Variants in CHRM2 observed in about 807,000 individuals in gnomAD.
CHRM2 encodes the protein muscarinic acetylcholine receptor M2.
In CHRM2, 8 loss-of-function variants were observed where a neutral mutation model predicts 25.0. The observed-to-expected ratio is 0.32, with a 90% CI of 0.19 to 0.58. CHRM2 has a LOEUF of 0.58. Among genes scored for constraint, CHRM2 ranks in the 20% least tolerant of loss-of-function variants. The pLI, the probability that CHRM2 is intolerant of heterozygous loss-of-function variation, is 0.88. For synonymous variants in CHRM2, 202 were observed against 205.7 expected (o/e 0.98, Z 0.15); for missense variants, 440 against 567.1 (o/e 0.78, Z 2.28).
At chr7:136,950,852 G>A (rs1308951069) in intron 2 of CHRM2, among the ~76,000 whole-genome samples, 1 of 151,940 alleles carries the variant, frequency 6.6e-6, no homozygotes, top group Non-Finnish European at 1.5e-5. Context: ...ATCTTGCTCT[G>A]TATCTCAGGT....
rs188336134 is a variant in CHRM2, at chr7:136,906,416, G to A, written c.-125+36998G>A. ...TATTATACATATGTAATATGTGTTT[G>A]TGTGTGTATGTGTATATGTATACAT... On this transcript the variant is annotated intron_variant, in intron 2 of 3. Coordinates refer to ENST00000680005, the MANE Select transcript of CHRM2 (RefSeq NM_001006630.2). Among the ~76,000 whole-genome samples the A allele has an allele frequency of 4.0e-5, 6 of 151,130 alleles. No homozygotes were observed. The East Asian group carries it at 1.2e-3, about 30-fold the overall frequency.
chr7:136,918,773 T>G (rs1457761382), intron 2 of CHRM2, among the ~76,000 whole-genome samples: 3 of 151,996 alleles, frequency 2.0e-5, no homozygotes, highest in Non-Finnish European at 4.4e-5. Context: ...TTCTCCAGGC[T>G]GGTGTTATAG....
At chr7:136,925,252 C>A (rs1342091478) in intron 2 of CHRM2, among the ~76,000 whole-genome samples, 4 of 152,090 alleles carry the variant, frequency 2.6e-5, no homozygotes, top group Non-Finnish European at 5.9e-5. Context: ...TCATAGCTAT[C>A]CAACCGGATG....
At chr7:136,874,313 T>C (rs1174301953) in intron 2 of CHRM2, among the ~76,000 whole-genome samples, 1 of 152,210 alleles carries the variant, frequency 6.6e-6, no homozygotes. Context: ...GGTTTGCCTC[T>C]TTCCACTCTT....
At chr7:137,011,218 T>C (rs201351494) in intron 3 of CHRM2, among the ~76,000 whole-genome samples, 1 of 128,020 alleles carries the variant, frequency 7.8e-6, no homozygotes, top group Non-Finnish European at 1.6e-5. Context: ...TGTGTGTGTA[T>C]ATATATATAT....
intron 2 of CHRM2, among the ~76,000 whole-genome samples, chr7:136,987,699 C>T (rs17168855): frequency 6.6e-6 from 1 of 152,118 alleles, no homozygotes; most frequent in East Asian, 1.9e-4. Flanking sequence ...ATGCGTCAGT[C>T]GGAGCTACCA....
intron 2 of CHRM2, among the ~76,000 whole-genome samples, chr7:136,905,170 T>C (rs1664920264): frequency 6.6e-6 from 1 of 151,894 alleles, no homozygotes; most frequent in African/African-American, 2.4e-5. Context: ...TCTAATTTTA[T>C]TGCATTTTGC....
At chr7:136,924,796 CCTT>C (rs1259331761) in intron 2 of CHRM2, among the ~76,000 whole-genome samples, 1 of 152,174 alleles carries the variant, frequency 6.6e-6, no homozygotes, top group East Asian at 1.9e-4. Context: ...TCATGAAGCT[CCTT>C]CTTATGGTGA....
chr7:136,994,146 T>C (rs1475216977), intron 3 of CHRM2, among the ~76,000 whole-genome samples: 1 of 152,060 alleles, frequency 6.6e-6, no homozygotes, highest in African/African-American at 2.4e-5. Flanking sequence ...TTTCCTGACC[T>C]CCACATCACA....
intron 2 of CHRM2, among the ~76,000 whole-genome samples, chr7:136,937,285 G>C (rs1441900510): frequency 6.6e-6 from 1 of 152,100 alleles, no homozygotes; most frequent in South Asian, 2.1e-4. Context: ...TTTGGGCTCT[G>C]ACAAAAATTC....
intron 2 of CHRM2, among the ~76,000 whole-genome samples, chr7:136,969,587 G>T (rs577366659): frequency 6.6e-6 from 1 of 152,152 alleles, no homozygotes; most frequent in African/African-American, 2.4e-5. Context: ...ACACATTCTT[G>T]TCTTCTGATC....
At chr7:136,959,681 GGCA>G (rs1483064004) in intron 2 of CHRM2, among the ~76,000 whole-genome samples, 1 of 152,182 alleles carries the variant, frequency 6.6e-6, no homozygotes, top group Non-Finnish European at 1.5e-5. Context: ...GGGAGGCCGA[GGCA>G]GCAGATCACC....
At chr7:136,938,724 C>T (rs79416180) in intron 2 of CHRM2, among the ~76,000 whole-genome samples, 10,947 of 151,970 alleles carry the variant, frequency 0.072, 583 homozygotes, top group Non-Finnish European at 0.1. Flanking sequence ...ACCCCTCCTG[C>T]GCTGCCCCAG....
chr7:136,880,888 C>T (rs1347710081), intron 2 of CHRM2, among the ~76,000 whole-genome samples: 1 of 151,744 alleles, frequency 6.6e-6, no homozygotes, highest in African/African-American at 2.4e-5. Flanking sequence ...AGTACTTCTC[C>T]TTCCCCTTTT....
At chr7:136,985,504 C>CAAAAAAAAAAAAAAAAAAA (rs974105875) in intron 2 of CHRM2, among the ~76,000 whole-genome samples, 1 of 59,754 alleles carries the variant, frequency 1.7e-5, no homozygotes, top group African/African-American at 7.6e-5. Context: ...AGTTAGACTC[C>CAAAAAAAAAAAAAAAAAAA]AAAAAAAAAA....
chr7:136,933,262 G>T (rs151232658), intron 2 of CHRM2, among the ~76,000 whole-genome samples: 1 of 152,032 alleles, frequency 6.6e-6, no homozygotes, highest in African/African-American at 2.4e-5. Flanking sequence ...GCAAATGATC[G>T]GAACAGACAT....
chr7:136,896,138 A>C (rs1796890969), intron 2 of CHRM2, among the ~76,000 whole-genome samples: 1 of 152,204 alleles, frequency 6.6e-6, no homozygotes, highest in Admixed American at 6.5e-5. Context: ...TAATAACAAT[A>C]GTAGACTTGT....
At chr7:136,995,039 AT>A (rs1406621018) in intron 3 of CHRM2, among the ~76,000 whole-genome samples, 1 of 152,144 alleles carries the variant, frequency 6.6e-6, no homozygotes, top group East Asian at 1.9e-4. Flanking sequence ...ATAATTTCTT[AT>A]TAACATATCA....
intron 2 of CHRM2, among the ~76,000 whole-genome samples, chr7:136,874,674 C>T (rs186982776): frequency 3.3e-5 from 5 of 151,248 alleles, no homozygotes; most frequent in South Asian, 2.1e-4. Flanking sequence ...CAAGGACATC[C>T]GTTTTAAAGC....
Sources: allele counts gnomAD v4.1 joint callset (sites outside exome capture counted in the v4.1 genomes callset), GRCh38; gene constraint gnomAD v4.1.1; transcripts MANE v1.5; gene names NCBI Gene and HGNC (gene_info 2026-07-23, HGNC 2026-07-21).